Variants in CP observed in about 807,000 individuals in gnomAD.
The protein encoded by CP is ceruloplasmin.
Under a neutral mutation model 122.4 loss-of-function variants are expected in CP, and 64 were observed. The ratio of observed to expected loss-of-function variants is 0.52; its 90% CI spans 0.43 to 0.64. The LOEUF (loss-of-function observed/expected upper bound fraction) is 0.64. Among genes scored for constraint, CP ranks in the 30% least tolerant of loss-of-function variants. The pLI is 0.00. For synonymous variants in CP, 440 were observed against 436.4 expected (o/e 1.01, Z -0.10); for missense variants, 1,167 against 1,284.4 (o/e 0.91, Z 1.40).
chr3:149,199,125 G>A (rs1360777989), intron 8 of CP, among the ~76,000 whole-genome samples: 2 of 152,072 alleles, frequency 1.3e-5, no homozygotes, highest in Non-Finnish European at 2.9e-5. Flanking sequence ...TTCTTGATGT[G>A]TAAAAATAGT....
chr3:149,204,926 T>A (rs553682091), intron 6 of CP, among the ~76,000 whole-genome samples: 8 of 152,236 alleles, frequency 5.3e-5, no homozygotes, highest in African/African-American at 1.9e-4. Flanking sequence ...AAAGACAACC[T>A]ATAGAATGCC....
chr3:149,204,569 C>T (rs1356540327), intron 6 of CP, among the ~76,000 whole-genome samples: 1 of 152,166 alleles, frequency 6.6e-6, no homozygotes, highest in Non-Finnish European at 1.5e-5. Flanking sequence ...GTCAGTGTAG[C>T]ATGGGACTTA....
chr3:149,188,492 A>C (rs970182657), intron 9 of CP, among the ~76,000 whole-genome samples: 1,448 of 110,572 alleles, frequency 0.013, 27 homozygotes, highest in African/African-American at 0.053. Context: ...GAAGCCTCCA[A>C]AAAAAAAAAA....
At chr3:149,165,954 C>T (rs763205563) in exon 5 of CP, 6 of 452,968 alleles carry the variant, frequency 1.3e-5, no homozygotes, top group African/African-American at 1.0e-4. Context: ...ACCTTATTCT[C>T]CTGGTCATTC....
chr3:149,164,820 C>T (rs1724246900), intron 5 of CP, among the ~76,000 whole-genome samples: 1 of 152,188 alleles, frequency 6.6e-6, no homozygotes, highest in Admixed American at 6.5e-5. Context: ...GACCCAAATG[C>T]TGAGTGTCTG....
rs1408323239 is a variant in CP at position 149,200,031 on chromosome 3, T to C, written c.1349-167A>G. 5.9e-6 allele frequency: 4 copies of C among 675,038 alleles called. No individual in the cohort carries two copies. The Admixed American group carries it at 9.3e-5, about 16-fold the overall frequency. 41.8% of individuals were successfully genotyped at this position (675,038 alleles called of 1,614,324 possible). A position where few individuals can be genotyped will look rare whatever the true frequency, so the allele number is the denominator to read the frequency against. On this transcript the variant is annotated intron_variant, in intron 7 of 18. Transcript: ENST00000264613. ...TTTGAGAAGTCCATAATCAATCTGA[T>C]ATGTCGAGGTTGGAAGGAGAGAAGG... is the stretch of plus-strand genomic sequence containing the variant.
chr3:149,186,177 T>C (rs1009932653), intron 11 of CP: 3 of 356,534 alleles, frequency 8.4e-6, no homozygotes, highest in African/African-American at 4.2e-5. Context: ...ATGAAAAGTT[T>C]AGGTGCAGAA....
At chr3:149,166,439 A>G (rs1329691859) in intron 4 of CP, among the ~76,000 whole-genome samples, 1 of 152,220 alleles carries the variant, frequency 6.6e-6, no homozygotes, top group Non-Finnish European at 1.5e-5. Flanking sequence ...CTCTTCCGAC[A>G]GTATTTCTGT....
At chr3:149,210,060 C>T in intron 3 of CP, 107 bp downstream of exon 3, 11 of 1,112,286 alleles carry the variant, frequency 9.9e-6, no homozygotes, top group Non-Finnish European at 1.2e-5. Flanking sequence ...ACCTCTCTAC[C>T]TTACCTGCTC....
chr3:149,212,667 G>A lies in CP; in HGVS notation c.178C>T (p.Pro60Ser). 6.2e-7 allele frequency: 1 copy of A among 1,613,682 alleles called. No homozygotes were observed. The highest frequency in any genetic ancestry group is 8.5e-7 in the Non-Finnish European group (1 of 1,179,908). The part of the protein sequence containing the change: ...EHSNIYLQNG[P>S]DRIGRLYKKA... Reference sequence around the variant, plus strand: ...TTATATAGTCTCCCAATTCTATCTGGGCCATTTTGAAGATAGATATTGGAA... The same window carrying A: ...TTATATAGTCTCCCAATTCTATCTGAGCCATTTTGAAGATAGATATTGGAA... The change falls in exon 2 of 19, where the codon CCA (proline) becomes TCA (serine). Residue 60 changes from proline to serine, a missense_variant. Physicochemically the swap from Pro to Ser is moderately conservative, Grantham distance 74 (BLOSUM62 -1). Coordinates refer to ENST00000264613, the MANE Select transcript of CP (RefSeq NM_000096.4).
chr3:149,209,348 C>A lies in CP; in HGVS notation c.644G>T (p.Arg215Leu). The A allele has an allele frequency of 6.2e-7, 1 of 1,613,642 alleles. No homozygotes were observed. Among genetic ancestry groups the A allele is most frequent in the Non-Finnish European group, 8.5e-7 (1 of 1,179,724 alleles). Residue 215 changes from arginine (R) to leucine (L), a missense_variant, in exon 4 of 19, where the codon CGA becomes CTA. By Grantham distance (102) the Arg-to-Leu change is moderately radical. This residue lies in a region of CP where 642 missense variants were observed against 627.3 expected (regional missense o/e 1.02). Transcript: ENST00000264613. ...LDKEKEKHIDREFVVMFSVVD... is the reference protein window; with the variant it reads ...LDKEKEKHIDLEFVVMFSVVD... ...CACAGAAAACATCACCACAAATTCT[C>A]GGTCAATATGTTTTTCTTTTTCTTT... is the stretch of plus-strand genomic sequence containing the variant.
chr3:149,163,606 G>A (rs966990837), intron 5 of CP, among the ~76,000 whole-genome samples: 2 of 152,168 alleles, frequency 1.3e-5, no homozygotes, highest in African/African-American at 4.8e-5. Flanking sequence ...GCTAGAAAGT[G>A]CCTCTTTGGA....
intron 13 of CP, among the ~76,000 whole-genome samples, chr3:149,183,082 G>A (rs1319874587): frequency 1.3e-5 from 2 of 151,954 alleles, no homozygotes; most frequent in African/African-American, 2.4e-5. Flanking sequence ...GCACAGGAGC[G>A]GCAGGTTGCA....
At position 149,198,481 on chromosome 3, in the gene CP, C is replaced by A; in HGVS notation, c.1599G>T (p.Val533=). ...CAGAATAATACATCTTAGCTAGACACACAGGATCTGCATTAGTGGGTCCTA... is the reference window on the plus strand; with the variant it reads ...CAGAATAATACATCTTAGCTAGACAAACAGGATCTGCATTAGTGGGTCCTA... The part of the protein sequence containing the change: ...KEVGPTNADP[V]CLAKMYYSAV... The change falls in exon 9 of 19, where the codon GTG becomes GTT. Residue 533 remains valine, a synonymous_variant. Transcript: ENST00000264613. 1 of 1,614,064 alleles carries A rather than the reference C, an allele frequency of 6.2e-7. No individual in the cohort carries two copies. The highest frequency in any genetic ancestry group is 1.3e-5 in the African/African-American group (1 of 75,054).
At chr3:149,179,116 C>T (rs887012940) in intron 15 of CP, among the ~76,000 whole-genome samples, 2 of 152,160 alleles carry the variant, frequency 1.3e-5, no homozygotes, top group Non-Finnish European at 2.9e-5. Context: ...CTTCACCCAC[C>T]TATCTATAAC....
At position 149,202,182 on chromosome 3, in the gene CP, A is replaced by T. The variant is rs770685919; in HGVS notation, c.1268T>A (p.Leu423Gln). 6.2e-7 allele frequency: 1 copy of T among 1,614,188 alleles called. No individual in the cohort carries two copies. Among genetic ancestry groups the T allele is most frequent in the East Asian group, 2.2e-5 (1 of 44,874 alleles). ...GGCATCTGTGTACTCACGATAAACC[A>T]GCTTTTTATAAGAGCCTCCAATTCT... ...TTRIGGSYKK[L>Q]VYREYTDASF... Residue 423 changes from leucine (L) to glutamine (Q), a missense_variant, in exon 7 of 19, where the codon CTG becomes CAG. By Grantham distance (113) the Leu-to-Gln change is moderately radical. Transcript: ENST00000264613.
At chr3:149,204,674 AG>A (rs1268389930) in intron 6 of CP, among the ~76,000 whole-genome samples, 1 of 152,206 alleles carries the variant, frequency 6.6e-6, no homozygotes. Context: ...CTTTCCAAGG[AG>A]GGTATTTTTA....
chr3:149,172,334 A>T, downstream of CP: 1 of 692,818 alleles, frequency 1.4e-6, no homozygotes, highest in Non-Finnish European at 2.5e-6. Context: ...ACACACACAC[A>T]CACACACACA....
At chr3:149,216,593 C>T (rs1388789566) in intron 1 of CP, among the ~76,000 whole-genome samples, 1 of 152,128 alleles carries the variant, frequency 6.6e-6, no homozygotes, top group African/African-American at 2.4e-5. Flanking sequence ...GAAATGCTGC[C>T]TACCATAAAC....
Sources: gnomAD v4.1 joint callset for allele counts (sites outside exome capture counted in the v4.1 genomes callset) on GRCh38, gnomAD v4.1.1 for gene constraint, gnomAD v4.1.1 regional missense constraint, MANE v1.5 for transcripts, NCBI Gene and HGNC (gene_info 2026-07-23, HGNC 2026-07-21) for gene names.